TMEM132B: variants seen among roughly 807,000 people sequenced by gnomAD.
TMEM132B encodes the protein transmembrane protein 132B.
Under a neutral mutation model 90.8 loss-of-function variants are expected in TMEM132B, and 18 were observed. The observed-to-expected ratio is 0.20, with a 90% CI of 0.14 to 0.29. The LOEUF (loss-of-function observed/expected upper bound fraction) is 0.29. TMEM132B is among the 10% of genes least tolerant of loss of function. The probability of loss-of-function intolerance (pLI) is 1.00; values close to 1 mark genes in which losing one functional copy is unlikely to be tolerated. For synonymous variants in TMEM132B, 504 were observed against 523.3 expected, an observed-to-expected ratio of 0.96 and a Z score of 0.50; for missense variants, 1,096 against 1,326.8, an observed-to-expected ratio of 0.83 and a Z score of 2.70.
rs773439454 is a variant in TMEM132B, at chr12:125,652,428, G to A, written c.1915-13G>A. On this transcript the variant is annotated splice_polypyrimidine_tract_variant and intron_variant, in intron 7 of 8. Transcript: ENST00000682704. ...GGAGCAGAGATGCATGAGTCTCCTC[G>A]CTGACTTTTCAGGTCCTCTCGCCGT... is the stretch of plus-strand genomic sequence containing the variant. The A allele has an allele frequency of 1.2e-5, 19 of 1,577,200 alleles. No homozygotes were observed. The African/African-American group carries it at 1.6e-4, about 13-fold the overall frequency.
chr12:125,256,057 G>A (rs79593738), intron 1 of TMEM132B, among the ~76,000 whole-genome samples: 3,673 of 152,164 alleles, frequency 0.024, 156 homozygotes, highest in African/African-American at 0.083. Context: ...TCACAGAAGC[G>A]ATTCTGGGTC....
Position 125,322,266 on chromosome 12 carries a change from T to C in TMEM132B, c.68-27186T>C, listed in dbSNP as rs550754011. On this transcript the variant is annotated intron_variant, in intron 1 of 8. Transcript: ENST00000682704. Reference sequence around the variant, plus strand: ...GGGCAGTTCCCCTGCACACACTCTCTTGCCTGCCGCCATGTAAGATGTGCC... The same window carrying C: ...GGGCAGTTCCCCTGCACACACTCTCCTGCCTGCCGCCATGTAAGATGTGCC... Among the ~76,000 whole-genome samples the C allele has an allele frequency of 1.0e-3, 157 of 152,356 alleles. 1 individual carries two copies. Among genetic ancestry groups the C allele is most frequent in the African/African-American group, 3.7e-3 (153 of 41,584 alleles).
At chr12:125,640,859 T>C (rs1886612345) in intron 5 of TMEM132B, among the ~76,000 whole-genome samples, 2 of 152,056 alleles carry the variant, frequency 1.3e-5, no homozygotes, top group Non-Finnish European at 2.9e-5. Context: ...TTCTCATTAT[T>C]TGAGATAGTT....
chr12:125,615,946 C>G (rs1486517892), intron 5 of TMEM132B, among the ~76,000 whole-genome samples: 1 of 152,008 alleles, frequency 6.6e-6, no homozygotes, highest in South Asian at 2.1e-4. Flanking sequence ...ATGGTTGACA[C>G]TTTTTTTTAT....
At chr12:125,416,614 G>C (rs967659653) in intron 3 of TMEM132B, among the ~76,000 whole-genome samples, 2 of 152,248 alleles carry the variant, frequency 1.3e-5, no homozygotes, top group African/African-American at 4.8e-5. Flanking sequence ...TGAGTTGCTG[G>C]CAAGCGCTGT....
intron 1 of TMEM132B, among the ~76,000 whole-genome samples, chr12:125,278,934 C>T (rs902322717): frequency 2.0e-5 from 3 of 152,100 alleles, no homozygotes; most frequent in African/African-American, 7.2e-5. Flanking sequence ...TGGATGTAAC[C>T]CAGCGAGGGA....
At chr12:125,367,519 A>T (rs947335705) in intron 2 of TMEM132B, among the ~76,000 whole-genome samples, 2 of 152,056 alleles carry the variant, frequency 1.3e-5, no homozygotes, top group Non-Finnish European at 2.9e-5. Flanking sequence ...TGACTCTCTC[A>T]TCTCTCTTTA....
intron 3 of TMEM132B, among the ~76,000 whole-genome samples, chr12:125,422,939 C>A (rs911542249): frequency 3.9e-5 from 6 of 152,204 alleles, no homozygotes. Context: ...ACAGCAGCCC[C>A]AGGAAACTAG....
chr12:125,543,934 A>G lies in TMEM132B; in HGVS notation c.1293+24309A>G, dbSNP rs556570648. Among the ~76,000 whole-genome samples, 7 of 152,380 alleles carry G rather than the reference A, an allele frequency of 4.6e-5. No homozygotes were observed. The East Asian group carries it at 1.2e-3, about 25-fold the overall frequency. ...TGCAGCACTATTTGCAATAGCAAAGACATGGAATCAACCCAAATGCCCATC... is the reference window on the plus strand; with the variant it reads ...TGCAGCACTATTTGCAATAGCAAAGGCATGGAATCAACCCAAATGCCCATC... On this transcript the variant is annotated intron_variant, in intron 4 of 8. Transcript: ENST00000682704.
At chr12:125,634,953 C>T (rs11614150) in intron 5 of TMEM132B, among the ~76,000 whole-genome samples, 15,829 of 152,196 alleles carry the variant, frequency 0.1, 1,056 homozygotes, top group South Asian at 0.2. Context: ...CACGTGCCCC[C>T]AGGTCCACTG....
intron 1 of TMEM132B, among the ~76,000 whole-genome samples, chr12:125,315,499 A>T (rs1203026528): frequency 2.0e-5 from 3 of 152,200 alleles, no homozygotes; most frequent in Admixed American, 2.0e-4. Flanking sequence ...ACGCCTGGTC[A>T]ATAATAGGAA....
chr12:125,316,314 C>T (rs1876271382), intron 1 of TMEM132B, among the ~76,000 whole-genome samples: 1 of 152,180 alleles, frequency 6.6e-6, no homozygotes, highest in South Asian at 2.1e-4. Flanking sequence ...AGAATAAAAT[C>T]CAAGCTCCTG....
chr12:125,587,593 A>G (rs1436164984), intron 5 of TMEM132B: 3 of 152,180 alleles, frequency 2.0e-5, no homozygotes, highest in East Asian at 3.9e-4. Flanking sequence ...GCTCCTCTGC[A>G]TAAAACCTGT....
intron 1 of TMEM132B, among the ~76,000 whole-genome samples, chr12:125,330,333 CTTTTT>C (rs75180932): frequency 4.0e-5 from 5 of 124,446 alleles, no homozygotes; most frequent in Admixed American, 8.0e-5. Context: ...TAAGGGGTTT[CTTTTT>C]TTTTTTTTTT....
At position 125,233,191 on chromosome 12, in the gene TMEM132B, G is replaced by A. The variant is rs116240878; in HGVS notation, c.67+46325G>A. 6.4e-3 allele frequency among the ~76,000 whole-genome samples: 980 copies of A among 152,332 alleles called. 11 individuals are homozygous for A. Among genetic ancestry groups the A allele is most frequent in the African/African-American group, 0.022 (935 of 41,580 alleles). Reference sequence around the variant, plus strand: ...TGGTTACTGGTCCCTCAACAGTCATGTAGAAGTAGGTTTGGATGTGTGTAG... The same window carrying A: ...TGGTTACTGGTCCCTCAACAGTCATATAGAAGTAGGTTTGGATGTGTGTAG... On this transcript the variant is annotated intron_variant, in intron 1 of 8. Coordinates refer to ENST00000682704, the MANE Select transcript of TMEM132B (RefSeq NM_001366854.1).
intron 3 of TMEM132B, among the ~76,000 whole-genome samples, chr12:125,474,177 TCTGA>T (rs938448856): frequency 9.2e-5 from 14 of 151,650 alleles, no homozygotes; most frequent in Admixed American, 6.6e-4. Flanking sequence ...TCTCTTCCTC[TCTGA>T]CTGCTTTCCT....
chr12:125,453,308 A>G (rs1881207308), intron 3 of TMEM132B, among the ~76,000 whole-genome samples: 2 of 152,120 alleles, frequency 1.3e-5, no homozygotes, highest in Non-Finnish European at 2.9e-5. Flanking sequence ...AATGAGAAAA[A>G]TGATGATAAG....
intron 6 of TMEM132B, among the ~76,000 whole-genome samples, chr12:125,650,215 G>C (rs370149519): frequency 6.6e-6 from 1 of 152,040 alleles, no homozygotes; most frequent in Admixed American, 6.5e-5. Context: ...TCCTCATGTG[G>C]TACTATGAGA....
At chr12:125,315,075 A>G (rs1429453018) in intron 1 of TMEM132B, among the ~76,000 whole-genome samples, 1 of 152,248 alleles carries the variant, frequency 6.6e-6, no homozygotes, top group Non-Finnish European at 1.5e-5. Context: ...TGCAAACTCA[A>G]CCAATGCCAG....
Sources: allele counts gnomAD v4.1 joint callset (sites outside exome capture counted in the v4.1 genomes callset), GRCh38; gene constraint gnomAD v4.1.1; transcripts MANE v1.5; gene names NCBI Gene and HGNC (gene_info 2026-07-23, HGNC 2026-07-21).